The following ITPRID1 variants were observed in gnomAD, a reference collection of about 807,000 sequenced individuals.
The protein encoded by ITPRID1 is protein ITPRID1.
ITPRID1 carries 96 observed loss-of-function variants against 95.4 expected under a neutral mutation model. The observed-to-expected ratio is 1.01, with a 90% CI of 0.85 to 1.19. ITPRID1 has a LOEUF of 1.19. Among genes scored for constraint, ITPRID1 ranks in the 50% most tolerant of loss-of-function variants. The probability of loss-of-function intolerance (pLI) is 0.00; values close to 1 mark genes in which losing one functional copy is unlikely to be tolerated. For missense variants in ITPRID1, 1,339 were observed against 1,252.9 expected (o/e 1.07, Z -1.04); for synonymous variants, 510 against 453.6 (o/e 1.12, Z -1.58).
At chr7:31,591,408 G>T (rs569330039) in intron 10 of ITPRID1, among the ~76,000 whole-genome samples, 1 of 152,242 alleles carries the variant, frequency 6.6e-6, no homozygotes, top group East Asian at 1.9e-4. Context: ...CTCCTGATTG[G>T]CTTTCTGCTT....
At chr7:31,583,960 A>C (rs886634851) in intron 10 of ITPRID1, among the ~76,000 whole-genome samples, 1 of 152,210 alleles carries the variant, frequency 6.6e-6, no homozygotes, top group African/African-American at 2.4e-5. Context: ...AATTTTGTGT[A>C]ATCTTAATGT....
chr7:31,568,819 T>C (rs185586511), intron 5 of ITPRID1, among the ~76,000 whole-genome samples: 1 of 152,198 alleles, frequency 6.6e-6, no homozygotes, highest in Non-Finnish European at 1.5e-5. Context: ...CCTCTTTCTG[T>C]CTTTCAAATA....
intron 10 of ITPRID1, among the ~76,000 whole-genome samples, chr7:31,585,885 T>A (rs988219493): frequency 3.0e-4 from 46 of 151,696 alleles, no homozygotes; most frequent in African/African-American, 9.7e-4. Context: ...CATGTGCACA[T>A]TGTGCAGGTT....
At chr7:31,614,219 C>G (rs1005313524) in intron 10 of ITPRID1, among the ~76,000 whole-genome samples, 2 of 152,168 alleles carry the variant, frequency 1.3e-5, no homozygotes, top group Non-Finnish European at 2.9e-5. Flanking sequence ...TCTTGTGCAT[C>G]TTCTTGTGTA....
At chr7:31,634,535 G>C (rs1789305506) in intron 10 of ITPRID1, among the ~76,000 whole-genome samples, 1 of 152,270 alleles carries the variant, frequency 6.6e-6, no homozygotes, top group South Asian at 2.1e-4. Flanking sequence ...CTCTAAGTAG[G>C]AGAGTCAGAA....
intron 7 of ITPRID1, 92 bp from the exon 8 acceptor site, chr7:31,574,448 G>C: frequency 9.1e-7 from 1 of 1,103,462 alleles, no homozygotes; most frequent in Non-Finnish European, 1.4e-6. Flanking sequence ...CTTTCACTCA[G>C]TATCTGGGAG....
In ITPRID1 at chr7:31,549,446, A is replaced by G; in HGVS notation, c.-77A>G. On this transcript the variant is annotated 5_prime_UTR_variant, in exon 2 of 15. Coordinates refer to ENST00000615280, the MANE Select transcript of ITPRID1 (RefSeq NM_001257967.3). ...GACAGTTCCTGACAGGATAAGGACAAGAAGCAACACACAGAAGAGAAGGAA... is the reference window on the plus strand; with the variant it reads ...GACAGTTCCTGACAGGATAAGGACAGGAAGCAACACACAGAAGAGAAGGAA... 6.6e-7 allele frequency: 1 copy of G among 1,512,928 alleles called. No homozygotes were observed. Among genetic ancestry groups the G allele is most frequent in the Non-Finnish European group, 8.8e-7 (1 of 1,137,900 alleles). The allele number at this position is 1,512,928 out of a possible 1,614,324, so 93.7% of individuals were successfully genotyped here.
chr7:31,518,403 C>A (rs1175849812), intron 1 of ITPRID1: 1 of 152,194 alleles, frequency 6.6e-6, no homozygotes, highest in Admixed American at 6.5e-5. Context: ...CAAGGAAACA[C>A]ATATAAACTA....
At chr7:31,658,147 A>G, downstream of ITPRID1, 1 of 726,058 alleles carries the variant, frequency 1.4e-6, no homozygotes, top group East Asian at 2.9e-5. Flanking sequence ...GTTGCTCTGA[A>G]CCACAGTGTA....
intron 1 of ITPRID1, among the ~76,000 whole-genome samples, chr7:31,533,532 C>T (rs1351300274): frequency 6.6e-6 from 1 of 151,964 alleles, no homozygotes; most frequent in African/African-American, 2.4e-5. Flanking sequence ...TTTCTTCTTT[C>T]CCTGTCTTCC....
intron 12 of ITPRID1, among the ~76,000 whole-genome samples, chr7:31,649,487 A>G (rs1790768347): frequency 6.6e-6 from 1 of 152,214 alleles, no homozygotes; most frequent in Non-Finnish European, 1.5e-5. Context: ...TGTCTCTACA[A>G]GGAATGCTGG....
intron 12 of ITPRID1, among the ~76,000 whole-genome samples, chr7:31,648,099 G>C (rs1790645967): frequency 6.6e-6 from 1 of 152,096 alleles, no homozygotes. Context: ...TCAGAAATAA[G>C]ATTTCTGAAT....
intron 3 of ITPRID1, among the ~76,000 whole-genome samples, chr7:31,553,983 G>T (rs962082483): frequency 1.6e-4 from 24 of 152,154 alleles, no homozygotes; most frequent in Admixed American, 2.0e-4. Context: ...AGGGACTCTA[G>T]TGCAATTTGT....
intron 1 of ITPRID1, among the ~76,000 whole-genome samples, chr7:31,521,363 CTT>C (rs1220544947): frequency 2.0e-5 from 3 of 152,056 alleles, no homozygotes; most frequent in Non-Finnish European, 2.9e-5. Context: ...TTCTGAGTAT[CTT>C]GAGATTTTCT....
intron 10 of ITPRID1, among the ~76,000 whole-genome samples, chr7:31,585,917 C>A (rs1044156799): frequency 4.7e-5 from 7 of 150,144 alleles, no homozygotes; most frequent in African/African-American, 1.7e-4. Flanking sequence ...TATACATGTG[C>A]CATGCTGGTG....
At chr7:31,572,265 C>T in intron 7 of ITPRID1, 77 bp downstream of exon 7, 1 of 895,628 alleles carries the variant, frequency 1.1e-6, no homozygotes, top group Non-Finnish European at 1.8e-6. Context: ...TATAAATAGG[C>T]ACTTGTTGAA....
At chr7:31,517,085 G>A (rs751453243) in intron 1 of ITPRID1, among the ~76,000 whole-genome samples, 4 of 152,178 alleles carry the variant, frequency 2.6e-5, no homozygotes, top group Non-Finnish European at 5.9e-5. Flanking sequence ...TGCAAAGAGC[G>A]AAAGAAACCA....
intron 10 of ITPRID1, among the ~76,000 whole-genome samples, chr7:31,599,654 TCTTTC>T (rs1562598961): frequency 2.3e-3 from 57 of 25,154 alleles, no homozygotes; most frequent in East Asian, 7.7e-3. Flanking sequence ...TCTTTTTCTT[TCTTTC>T]CTTTCTCTCT....
At position 31,655,888 on chromosome 7, in the gene ITPRID1, T is replaced by C. The variant is rs1386787003; in HGVS notation, c.*3059T>C. On this transcript the variant is annotated 3_prime_UTR_variant, in exon 15 of 15. Coordinates refer to ENST00000615280, the MANE Select transcript of ITPRID1 (RefSeq NM_001257967.3). ...TACGGAATGAAGAGGAACACCTGGCTCTAGGATGTCCCTCACCTGGCAGCC... is the reference window on the plus strand; with the variant it reads ...TACGGAATGAAGAGGAACACCTGGCCCTAGGATGTCCCTCACCTGGCAGCC... 4.1e-6 allele frequency: 4 copies of C among 985,522 alleles called. No individual in the cohort carries two copies. The highest frequency in any genetic ancestry group is 4.8e-6 in the Non-Finnish European group (4 of 829,996). The allele number at this position is 985,522 out of a possible 1,614,324, so 61.0% of individuals were successfully genotyped here.
Sources: gnomAD v4.1 joint callset for allele counts (sites outside exome capture counted in the v4.1 genomes callset) on GRCh38, gnomAD v4.1.1 for gene constraint, MANE v1.5 for transcripts, NCBI Gene and HGNC (gene_info 2026-07-23, HGNC 2026-07-21) for gene names.